The following TPO variants were observed in gnomAD, a reference collection of about 807,000 sequenced individuals.
The protein encoded by TPO is thyroid peroxidase.
In TPO, 78 loss-of-function variants were observed where a neutral mutation model predicts 96.9. The observed-to-expected ratio is 0.81, with a 90% confidence interval of 0.67 to 0.97. The LOEUF is 0.97. Among genes scored for constraint, TPO ranks in the 50% least tolerant of loss-of-function variants. The pLI is 0.00. For missense variants in TPO, 1,252 were observed against 1,274.8 expected, an observed-to-expected ratio of 0.98 and a Z score of 0.27; for synonymous variants, 547 against 538.0, an observed-to-expected ratio of 1.02 and a Z score of -0.23.
intron 5 of TPO, among the ~76,000 whole-genome samples, chr2:1,444,024 G>T (rs1261340632): frequency 1.4e-5 from 2 of 144,788 alleles, no homozygotes; most frequent in Non-Finnish European, 3.0e-5. Context: ...CACCATGTTG[G>T]AAGGGAATGG....
In TPO at chr2:1,524,430, C is replaced by G. The variant is rs186916127; in HGVS notation, c.2618+7448C>G. 8.9e-4 allele frequency among the ~76,000 whole-genome samples: 100 copies of G among 111,784 alleles called. 2 individuals are homozygous for G. Among genetic ancestry groups the G allele is most frequent in the Admixed American group, 8.7e-3 (90 of 10,294 alleles). 73.3% of individuals were successfully genotyped at this position (111,784 alleles called of 152,430 possible). On this transcript the variant is annotated intron_variant, in intron 15 of 16. Transcript: ENST00000329066. ...AACTTTCCCTCCCATTGTGTGCAAC[C>G]CCCCCAAATCCCCCCACTGTGTGCA...
At position 1,532,897 on chromosome 2, in the gene TPO, A is replaced by C. The variant is rs1678646376; in HGVS notation, c.2619-7697A>C. 4.3e-5 allele frequency among the ~76,000 whole-genome samples: 4 copies of C among 92,912 alleles called. No individual in the cohort carries two copies. In the South Asian group the frequency reaches 1.1e-3, roughly 25 times the overall value. 61.0% of individuals were successfully genotyped at this position (92,912 alleles called of 152,430 possible). ...AAATACCCCCAGTTTGCAACCTCCCAAAATCTCCCTATGTGCAACCTCGCA... is the reference window on the plus strand; with the variant it reads ...AAATACCCCCAGTTTGCAACCTCCCCAAATCTCCCTATGTGCAACCTCGCA... On this transcript the variant is annotated intron_variant, in intron 15 of 16. Coordinates refer to ENST00000329066, the MANE Select transcript of TPO (RefSeq NM_001206744.2).
chr2:1,374,752 A>C lies in TPO; in HGVS notation n.180+350A>C, dbSNP rs1173823344. Reference sequence around the variant, plus strand: ...TTTTTTTTTTTTTTTTACTGAGATGACGTCTTGCTCTGTCACCCAGGCTGG... The same window carrying C: ...TTTTTTTTTTTTTTTTACTGAGATGCCGTCTTGCTCTGTCACCCAGGCTGG... On this transcript the variant is annotated intron_variant and non_coding_transcript_variant, in intron 1 of 5. Coordinates refer to the TPO transcript ENST00000497517. Among the ~76,000 whole-genome samples, 6 of 143,256 alleles carry C rather than the reference A, an allele frequency of 4.2e-5. No individual in the cohort carries two copies. The East Asian group carries it at 1.2e-3, about 29-fold the overall frequency. 94.0% of individuals were successfully genotyped at this position (143,256 alleles called of 152,430 possible).
upstream of TPO, among the ~76,000 whole-genome samples, chr2:1,410,181 G>C (rs970901401): frequency 6.6e-6 from 1 of 152,188 alleles, no homozygotes; most frequent in African/African-American, 2.4e-5. Context: ...ATGTTAATTA[G>C]CTTGATTTAA....
At chr2:1,495,672 C>G (rs1672249273) in intron 11 of TPO, among the ~76,000 whole-genome samples, 1 of 152,266 alleles carries the variant, frequency 6.6e-6, no homozygotes, top group African/African-American at 2.4e-5. Context: ...TGCTGCCCCT[C>G]CACATCTCCT....
chr2:1,464,957 G>T (rs1332387208), intron 7 of TPO, among the ~76,000 whole-genome samples: 3 of 152,042 alleles, frequency 2.0e-5, no homozygotes, highest in African/African-American at 7.2e-5. Context: ...TGTGTTCTTG[G>T]TCATTAAATC....
At chr2:1,541,587 GC>G (rs1442216658) in intron 16 of TPO, 1 of 152,244 alleles carries the variant, frequency 6.6e-6, no homozygotes, top group Non-Finnish European at 1.5e-5. Flanking sequence ...GAGCCCTTAG[GC>G]CCAAGAGATC....
At chr2:1,389,510 C>T (rs143847499) in intron 1 of TPO, among the ~76,000 whole-genome samples, 1 of 152,124 alleles carries the variant, frequency 6.6e-6, no homozygotes, top group East Asian at 1.9e-4. Flanking sequence ...CACTACTTTC[C>T]TCATCAGATT....
chr2:1,539,068 C>T (rs189246781), intron 15 of TPO, among the ~76,000 whole-genome samples: 52 of 152,280 alleles, frequency 3.4e-4, no homozygotes, highest in African/African-American at 1.1e-3. Flanking sequence ...CTCACCCTAA[C>T]TAATTACATC....
intron 4 of TPO, 62 bp from the exon 5 acceptor site, chr2:1,436,190 A>C: frequency 6.2e-7 from 1 of 1,613,300 alleles, no homozygotes; most frequent in African/African-American, 1.3e-5. Context: ...ACTGCAATAG[A>C]ATATTTGTTA....
chr2:1,384,863 GTTA>G (rs1302355470), intron 1 of TPO, among the ~76,000 whole-genome samples: 2 of 152,014 alleles, frequency 1.3e-5, no homozygotes, highest in Non-Finnish European at 2.9e-5. Context: ...ATAAATAGCT[GTTA>G]TTATTTTTAG....
At chr2:1,406,064 T>A (rs1200981192) in intron 1 of TPO, among the ~76,000 whole-genome samples, 1 of 152,234 alleles carries the variant, frequency 6.6e-6, no homozygotes, top group Admixed American at 6.5e-5. Flanking sequence ...ACTTGGCTGG[T>A]TCACCCTACT....
chr2:1,458,666 A>C (rs957477130), intron 7 of TPO, among the ~76,000 whole-genome samples: 57 of 152,172 alleles, frequency 3.7e-4, no homozygotes, highest in Non-Finnish European at 1.2e-4. Flanking sequence ...AATAGAGCCT[A>C]TTATCCCATG....
chr2:1,439,443 CT>C (rs1189825757), intron 5 of TPO: 2 of 152,302 alleles, frequency 1.3e-5, no homozygotes, highest in African/African-American at 4.8e-5. Flanking sequence ...CAGAGGGCCC[CT>C]GACCCTTGGC....
rs376928570 is a variant in TPO, at chr2:1,489,209, T to C, written c.1768+1218T>C. On this transcript the variant is annotated intron_variant, in intron 10 of 16. Transcript: ENST00000329066. ...ACATACCCATCACATGCCCAGCACA[T>C]GCCCAGCACACGCCTGCACATGCCC... Among the ~76,000 whole-genome samples, 9 of 140,082 alleles carry C rather than the reference T, an allele frequency of 6.4e-5. No homozygotes were observed. In the East Asian group the frequency reaches 2.0e-3, roughly 32 times the overall value. The allele number at this position is 140,082 out of a possible 152,430, so 91.9% of individuals were successfully genotyped here.
chr2:1,484,901 CTTTTT>C, intron 9 of TPO, 47 bp downstream of exon 9: 1 of 1,608,860 alleles, frequency 6.2e-7, no homozygotes, highest in Non-Finnish European at 8.5e-7. Flanking sequence ...ACTCTTCCTT[CTTTTT>C]TTAATTTTTT....
intron 9 of TPO, 49 bp from the exon 10 acceptor site, chr2:1,487,772 C>G (rs1322168200): frequency 6.2e-7 from 1 of 1,612,328 alleles, no homozygotes; most frequent in East Asian, 2.2e-5. Context: ...TGTTGTTTCT[C>G]TAGAACTGAG....
chr2:1,389,967 T>C (rs1471496727), intron 1 of TPO, among the ~76,000 whole-genome samples: 1 of 152,184 alleles, frequency 6.6e-6, no homozygotes, highest in Non-Finnish European at 1.5e-5. Flanking sequence ...CCTGGTTTTT[T>C]ACTGTGGTGT....
intron 14 of TPO, among the ~76,000 whole-genome samples, chr2:1,512,126 C>T (rs921771718): frequency 3.3e-5 from 5 of 152,192 alleles, no homozygotes; most frequent in South Asian, 2.1e-4. Flanking sequence ...CTCCACCTCC[C>T]GGGTTCACGC....
Sources: gnomAD v4.1 joint callset for allele counts (sites outside exome capture counted in the v4.1 genomes callset) on GRCh38, gnomAD v4.1.1 for gene constraint, MANE v1.5 for transcripts, NCBI Gene and HGNC (gene_info 2026-07-23, HGNC 2026-07-21) for gene names.